The following ZNF644 variants were observed in gnomAD, a reference collection of about 807,000 sequenced individuals.
ZNF644 encodes the protein zinc finger protein 644.
A neutral mutation model predicts 108.0 loss-of-function variants in ZNF644; 20 were observed. That is an observed-to-expected ratio of 0.19 (90% CI 0.13 to 0.27). The LOEUF is 0.27. Ranked by LOEUF, ZNF644 falls within the 10% of genes least tolerant of loss-of-function variation. The pLI, the probability that ZNF644 is intolerant of heterozygous loss-of-function variation, is 1.00. For synonymous variants in ZNF644, 542 were observed against 539.1 expected (o/e 1.01, Z -0.08); for missense variants, 1,338 against 1,548.9 (o/e 0.86, Z 2.29).
rs1651910391 is a variant in ZNF644, at chr1:90,940,988, G to A, written c.366C>T (p.His122=). The change falls in exon 3 of 6, where the codon CAC becomes CAT. Residue 122 remains histidine (H), a synonymous_variant. Coordinates refer to ENST00000337393, the MANE Select transcript of ZNF644 (RefSeq NM_201269.3). ...KGAAVNGPVS[H]SSLTKTSNMN... The stretch of plus-strand genomic sequence containing the variant: ...TATTGGAAGTCTTAGTTAAGGAGGA[G>A]TGTGAAACTGGTCCATTAACAGCAG... The A allele has an allele frequency of 1.2e-6, 2 of 1,614,058 alleles. No homozygotes were observed. The highest frequency in any genetic ancestry group is 2.2e-5 in the South Asian group (2 of 91,080).
intron 1 of ZNF644, among the ~76,000 whole-genome samples, chr1:90,987,449 T>A (rs1047505992): frequency 1.3e-5 from 2 of 151,834 alleles, no homozygotes; most frequent in Non-Finnish European, 2.9e-5. Context: ...GGTATATTCC[T>A]AAAAATGTAC....
chr1:90,923,290 T>C (rs1649672888), intron 4 of ZNF644, among the ~76,000 whole-genome samples: 1 of 152,040 alleles, frequency 6.6e-6, no homozygotes, highest in African/African-American at 2.4e-5. Flanking sequence ...GAGTATCTAC[T>C]ATCATAAATG....
chr1:90,959,608 C>T (rs142885892), intron 2 of ZNF644, among the ~76,000 whole-genome samples: 82 of 152,106 alleles, frequency 5.4e-4, no homozygotes, highest in Non-Finnish European at 9.6e-4. Flanking sequence ...TAAAAGAAGC[C>T]AGACACAAAA....
At chr1:90,924,364 T>G (rs184876669) in intron 4 of ZNF644, among the ~76,000 whole-genome samples, 4 of 152,276 alleles carry the variant, frequency 2.6e-5, no homozygotes, top group African/African-American at 9.6e-5. Context: ...CATCTGAAAT[T>G]AGAATAAACA....
At chr1:91,004,473 A>G (rs1659215908) in intron 1 of ZNF644, among the ~76,000 whole-genome samples, 1 of 152,238 alleles carries the variant, frequency 6.6e-6, no homozygotes, top group Non-Finnish European at 1.5e-5. Flanking sequence ...AGGAGAAATT[A>G]AGACATTTAC....
At chr1:90,962,152 AAT>A (rs1366069349) in intron 2 of ZNF644, among the ~76,000 whole-genome samples, 3 of 152,118 alleles carry the variant, frequency 2.0e-5, no homozygotes, top group Non-Finnish European at 2.9e-5. Context: ...TATCTCAATG[AAT>A]AGATTCAATT....
chr1:90,957,069 T>C (rs138456228), intron 2 of ZNF644, among the ~76,000 whole-genome samples: 1 of 152,180 alleles, frequency 6.6e-6, no homozygotes. Flanking sequence ...GAAAAATTCC[T>C]AGAAACACAG....
At chr1:90,925,200 C>G (rs890244794) in intron 4 of ZNF644, among the ~76,000 whole-genome samples, 1 of 152,158 alleles carries the variant, frequency 6.6e-6, no homozygotes, top group African/African-American at 2.4e-5. Flanking sequence ...CTCATGCCCC[C>G]CACTGGGGGG....
At chr1:90,947,249 T>C (rs1310538937) in intron 2 of ZNF644, among the ~76,000 whole-genome samples, 5 of 152,206 alleles carry the variant, frequency 3.3e-5, no homozygotes, top group African/African-American at 1.2e-4. Context: ...TTGTGTTGTT[T>C]ATGCTTTCAT....
chr1:90,943,716 T>A (rs959145783), intron 2 of ZNF644, among the ~76,000 whole-genome samples: 1 of 152,202 alleles, frequency 6.6e-6, no homozygotes, highest in African/African-American at 2.4e-5. Flanking sequence ...CACTCCAAAA[T>A]GGTGCTAATG....
chr1:91,019,824 CA>C (rs1660739436), intron 1 of ZNF644, among the ~76,000 whole-genome samples: 1 of 152,206 alleles, frequency 6.6e-6, no homozygotes, highest in Non-Finnish European at 1.5e-5. Context: ...CTCAGCCTCC[CA>C]AAGTGCTGGG....
chr1:90,938,924 T>A lies in ZNF644; in HGVS notation c.2430A>T (p.Arg810Ser). The part of the protein sequence containing the change: ...FKDHRRVAVK[R>S]VIKESKKESS... ...TTTCCTTCTTAGATTCCTTAATTAC[T>A]CTCTTTACAGCTACACGTCTGTGAT... The change falls in exon 3 of 6, where the codon AGA (arginine) becomes AGT (serine). Residue 810 changes from arginine to serine, a missense_variant. Around this residue, in one of 6 missense-constraint regions of ZNF644, gnomAD observed 462 missense variants for 472.6 expected, o/e 0.98. Transcript: ENST00000337393. The surrounding 1 kb of genome is among the most constrained non-coding windows in gnomAD (Gnocchi z 4.2). The A allele has an allele frequency of 1.2e-6, 2 of 1,614,052 alleles. No homozygotes were observed. Among genetic ancestry groups the A allele is most frequent in the Non-Finnish European group, 1.7e-6 (2 of 1,179,944 alleles).
Position 90,939,975 on chromosome 1 carries a change from C to T in ZNF644, c.1379G>A (p.Arg460His). ...CRECGRTFRD[R>H]NSLLKHMIIH... is the part of the protein sequence containing the mutation. ...AATCATATGTTTTAGAAGTGAATTG[C>T]GATCTCGAAATGTCCGTCCACATTC... Residue 460 changes from arginine (R) to histidine (H), a missense_variant, in exon 3 of 6, where the codon CGC (arginine) becomes CAC (histidine). Coordinates refer to ENST00000337393, the MANE Select transcript of ZNF644 (RefSeq NM_201269.3). 1.9e-6 allele frequency: 3 copies of T among 1,613,886 alleles called. No homozygotes were observed. The highest frequency in any genetic ancestry group is 1.7e-6 in the Non-Finnish European group (2 of 1,179,952).
At chr1:91,021,691 C>G (rs1434019615) in intron 1 of ZNF644, 2 of 175,608 alleles carry the variant, frequency 1.1e-5, no homozygotes, top group Non-Finnish European at 2.4e-5. Flanking sequence ...CCGCTCACCT[C>G]AGGCTCCGTG....
chr1:90,941,675 C>T (rs139452558), intron 2 of ZNF644, among the ~76,000 whole-genome samples: 25 of 152,176 alleles, frequency 1.6e-4, no homozygotes, highest in East Asian at 7.7e-4. Context: ...TTAAACCTCA[C>T]GTGGAGATTG....
At chr1:91,016,489 A>C (rs966938850) in intron 1 of ZNF644, among the ~76,000 whole-genome samples, 2 of 152,226 alleles carry the variant, frequency 1.3e-5, no homozygotes, top group Non-Finnish European at 2.9e-5. Flanking sequence ...CAACTGTAAC[A>C]TAACTGTTTA....
At chr1:90,923,000 C>T (rs1467558701) in intron 4 of ZNF644, among the ~76,000 whole-genome samples, 2 of 152,006 alleles carry the variant, frequency 1.3e-5, no homozygotes, top group Non-Finnish European at 2.9e-5. Flanking sequence ...AAAACAACAA[C>T]AACAACAAAA....
chr1:90,946,489 G>A (rs1652529131), intron 2 of ZNF644, among the ~76,000 whole-genome samples: 2 of 152,094 alleles, frequency 1.3e-5, no homozygotes, highest in South Asian at 4.1e-4. Context: ...TTAGTACTTA[G>A]TTATTACATA....
intron 1 of ZNF644, among the ~76,000 whole-genome samples, chr1:91,006,444 T>C (rs1224091115): frequency 3.3e-5 from 5 of 152,232 alleles, no homozygotes; most frequent in African/African-American, 1.2e-4. Flanking sequence ...CCAGACTGCT[T>C]CCCTGGAATC....
Sources: allele counts gnomAD v4.1 joint callset (sites outside exome capture counted in the v4.1 genomes callset), GRCh38; gene constraint gnomAD v4.1.1; regional missense constraint gnomAD v4.1.1; non-coding constraint Gnocchi (gnomAD v3.1); transcripts MANE v1.5; gene names NCBI Gene and HGNC (gene_info 2026-07-23, HGNC 2026-07-21).